DPYSL2: variants seen among roughly 807,000 people sequenced by gnomAD.
The protein encoded by DPYSL2 is dihydropyrimidinase-related protein 2.
A neutral mutation model predicts 69.9 loss-of-function variants in DPYSL2; 13 were observed. That is an observed-to-expected ratio of 0.19 (90% confidence interval 0.12 to 0.30). The LOEUF (loss-of-function observed/expected upper bound fraction) is 0.30, where lower values mean the gene tolerates loss of function less well. Among genes scored for constraint, DPYSL2 ranks in the 10% least tolerant of loss-of-function variants. The pLI, the probability that DPYSL2 is intolerant of heterozygous loss-of-function variation, is 1.00. For synonymous variants in DPYSL2, 326 were observed against 359.1 expected (o/e 0.91, Z 1.04); for missense variants, 587 against 918.9 (o/e 0.64, Z 4.67).
At chr8:26,622,141 CCTT>C (rs1200478502) in intron 3 of DPYSL2, among the ~76,000 whole-genome samples, 1,019 of 55,894 alleles carry the variant, frequency 0.018, 27 homozygotes, top group Non-Finnish European at 0.021. Context: ...TTCCTTCCTT[CCTT>C]CCTTCCTTCC....
At position 26,621,192 on chromosome 8, in the gene DPYSL2, A is replaced by T. The variant is rs1802474420; in HGVS notation, c.629-2951A>T. Among the ~76,000 whole-genome samples, 1 of 152,222 alleles carries T rather than the reference A, an allele frequency of 6.6e-6. No individual in the cohort carries two copies. Among genetic ancestry groups the T allele is most frequent in the South Asian group, 2.1e-4 (1 of 4,830 alleles). Reference sequence around the variant, plus strand: ...AATATATAGAAAAAAGGCAGTAAAAATACACCCAAATTTGAATAGGTTGAT... The same window carrying T: ...AATATATAGAAAAAAGGCAGTAAAATTACACCCAAATTTGAATAGGTTGAT... On this transcript the variant is annotated intron_variant, in intron 3 of 13. Transcript: ENST00000521913. The surrounding 1 kb of genome is among the most constrained non-coding windows in gnomAD (Gnocchi z 4.9).
chr8:26,523,127 A>G (rs1585487095), intron 1 of DPYSL2, among the ~76,000 whole-genome samples: 1 of 151,672 alleles, frequency 6.6e-6, no homozygotes, highest in East Asian at 1.9e-4. Context: ...GTGTGTGCAT[A>G]TATATGTATG....
rs55746168 is a variant in DPYSL2, at chr8:26,634,428, C to CTTTTTTTTTTTTTTTTTTTT, written c.1006-350_1006-331dup. Reference sequence around the variant, plus strand: ...TACAGTCACCTGCTGCCATGCCCAGCTTTTTTTTTTTTTTTTTTTTTAATT... The same window carrying CTTTTTTTTTTTTTTTTTTTT: ...TACAGTCACCTGCTGCCATGCCCAGCTTTTTTTTTTTTTTTTTTTTTTTTTTTTTTTTTTTTTTTTTAATT... On this transcript the variant is annotated intron_variant, in intron 7 of 13. Coordinates refer to ENST00000521913, the MANE Select transcript of DPYSL2 (RefSeq NM_001197293.3). 5.5e-5 allele frequency among the ~76,000 whole-genome samples: 5 copies of CTTTTTTTTTTTTTTTTTTTT among 91,166 alleles called. 1 individual carries two copies. Among genetic ancestry groups the CTTTTTTTTTTTTTTTTTTTT allele is most frequent in the Non-Finnish European group, 1.1e-4 (5 of 47,346 alleles). The allele number at this position is 91,166 out of a possible 152,430, so 59.8% of individuals were successfully genotyped here.
At chr8:26,630,455 C>T (rs187677518) in intron 7 of DPYSL2, among the ~76,000 whole-genome samples, 155 of 152,246 alleles carry the variant, frequency 1.0e-3, no homozygotes, top group African/African-American at 3.6e-3. Flanking sequence ...GCACAGAGTC[C>T]GGGAGAGGTG....
At position 26,652,595 on chromosome 8, in the gene DPYSL2, C is replaced by T. The variant is rs1803300501; in HGVS notation, c.1776+159C>T. Among the ~76,000 whole-genome samples the T allele has an allele frequency of 6.6e-6, 1 of 152,006 alleles. No individual in the cohort carries two copies. Among genetic ancestry groups the T allele is most frequent in the African/African-American group, 2.4e-5 (1 of 41,378 alleles). On this transcript the variant is annotated intron_variant, in intron 12 of 13. Transcript: ENST00000521913. This position sits in a 1 kb window ranked among gnomAD's most constrained non-coding sequence, Gnocchi z 6.3. ...TTTTTTATTCCTGGCATTTAAAATA[C>T]TGGAGAAGGAGTCAGTCGTGTCCAC...
chr8:26,612,334 C>T (rs779216884), intron 3 of DPYSL2, among the ~76,000 whole-genome samples: 16 of 152,174 alleles, frequency 1.1e-4, no homozygotes, highest in Non-Finnish European at 2.2e-4. Context: ...AACCCTAGGA[C>T]TCTCCAGAGA....
At chr8:26,595,663 G>A (rs2129792026) in intron 3 of DPYSL2, among the ~76,000 whole-genome samples, 1 of 152,292 alleles carries the variant, frequency 6.6e-6, no homozygotes, top group South Asian at 2.1e-4. Flanking sequence ...TGGAAGTATT[G>A]GTGACAAATT....
intron 1 of DPYSL2, among the ~76,000 whole-genome samples, chr8:26,569,374 A>AC (rs368735529): frequency 0.021 from 1,991 of 94,724 alleles, 64 homozygotes; most frequent in Middle Eastern, 0.094. Flanking sequence ...ACAAAAACAA[A>AC]AACAAAAAAA....
At chr8:26,572,358 C>T (rs968355759) in intron 1 of DPYSL2, among the ~76,000 whole-genome samples, 1 of 152,220 alleles carries the variant, frequency 6.6e-6, no homozygotes, top group South Asian at 2.1e-4. Flanking sequence ...ATCTCCCCAG[C>T]CCCACTTCCC....
At chr8:26,567,459 T>C (rs1801170840) in intron 1 of DPYSL2, among the ~76,000 whole-genome samples, 1 of 152,218 alleles carries the variant, frequency 6.6e-6, no homozygotes, top group African/African-American at 2.4e-5. Context: ...GTTTGCCTAT[T>C]ACAGGCAAGG....
Position 26,514,807 on chromosome 8 carries a change from C to T in DPYSL2, c.354+128C>T, listed in dbSNP as rs1333025233. 2 of 832,462 alleles carry T rather than the reference C, an allele frequency of 2.4e-6. No homozygotes were observed. Among genetic ancestry groups the T allele is most frequent in the Non-Finnish European group, 3.4e-6 (2 of 588,212 alleles). 51.6% of individuals were successfully genotyped at this position (832,462 alleles called of 1,614,324 possible). A position where few individuals can be genotyped will look rare whatever the true frequency, so the allele number is the denominator to read the frequency against. ...CTCGCCTCCCGCATCTGCACGCGCA[C>T]CCCGCCCTACCCGCCCCTTCTCCGC... On this transcript the variant is annotated intron_variant, in intron 1 of 13. Coordinates refer to ENST00000521913, the MANE Select transcript of DPYSL2 (RefSeq NM_001197293.3). This position sits in a 1 kb window ranked among gnomAD's most constrained non-coding sequence, Gnocchi z 8.4.
At chr8:26,531,096 G>A (rs927240650) in intron 1 of DPYSL2, among the ~76,000 whole-genome samples, 1 of 150,496 alleles carries the variant, frequency 6.6e-6, no homozygotes, top group African/African-American at 2.4e-5. Flanking sequence ...AGGGAGCTCA[G>A]CTGCTATGAC....
At chr8:26,628,549 C>T (rs1802670112) in intron 7 of DPYSL2, among the ~76,000 whole-genome samples, 1 of 152,162 alleles carries the variant, frequency 6.6e-6, no homozygotes, top group South Asian at 2.1e-4. Context: ...CTGTGTTCAT[C>T]AGTTAGAATT....
rs1446588593 is a variant in DPYSL2, at chr8:26,620,821, C to T, written c.629-3322C>T. On this transcript the variant is annotated intron_variant, in intron 3 of 13. Transcript: ENST00000521913. The surrounding 1 kb of genome is among the most constrained non-coding windows in gnomAD (Gnocchi z 4.5). ...AGATATGTTAAACCTATCAGGCTTC[C>T]TTATTTACATTGGCTAGAGAGCCTA... 6.6e-6 allele frequency among the ~76,000 whole-genome samples: 1 copy of T among 152,000 alleles called. No homozygotes were observed. The highest frequency in any genetic ancestry group is 2.4e-5 in the African/African-American group (1 of 41,386).
rs531028398 is a variant in DPYSL2 at position 26,630,486 on chromosome 8, C to T, written c.1005+2546C>T. On this transcript the variant is annotated intron_variant, in intron 7 of 13. Transcript: ENST00000521913. ...AGGTGGAGGGCTGACACAGTTCTCA[C>T]GTGAGCCCTGTTCAAAGCTGCCTTC... Among the ~76,000 whole-genome samples the T allele has an allele frequency of 3.1e-3, 476 of 152,298 alleles. 2 individuals are homozygous for T. Among genetic ancestry groups the T allele is most frequent in the African/African-American group, 0.011 (452 of 41,568 alleles).
chr8:26,643,864 C>A lies in DPYSL2; in HGVS notation c.1284-86C>A. The A allele has an allele frequency of 1.3e-6, 2 of 1,501,060 alleles. No individual in the cohort carries two copies. Among genetic ancestry groups the A allele is most frequent in the Non-Finnish European group, 1.8e-6 (2 of 1,113,366 alleles). The allele number at this position is 1,501,060 out of a possible 1,614,324, so 93.0% of individuals were successfully genotyped here. A position where few individuals can be genotyped will look rare whatever the true frequency, so the allele number is the denominator to read the frequency against. ...GGACTCCACTTGGGTTGGTGTGATG[C>A]CATTCATGAGACAGCCCACCAAATA... On this transcript the variant is annotated intron_variant, in intron 9 of 13. Transcript: ENST00000521913. This position sits in a 1 kb window ranked among gnomAD's most constrained non-coding sequence, Gnocchi z 6.5.
At chr8:26,534,443 G>A (rs138998203) in intron 1 of DPYSL2, among the ~76,000 whole-genome samples, 11 of 152,088 alleles carry the variant, frequency 7.2e-5, no homozygotes, top group Non-Finnish European at 1.5e-4. Flanking sequence ...GTAGGCATAA[G>A]CCACCATGCC....
At chr8:26,604,584 AC>A (rs1411288530) in intron 3 of DPYSL2, among the ~76,000 whole-genome samples, 1 of 151,800 alleles carries the variant, frequency 6.6e-6, no homozygotes, top group East Asian at 1.9e-4. Flanking sequence ...CTTTGAACAT[AC>A]CTTTGCTGCA....
chr8:26,627,165 C>T lies in DPYSL2; in HGVS notation c.856-50C>T. 2 of 1,546,176 alleles carry T rather than the reference C, an allele frequency of 1.3e-6. No homozygotes were observed. Among genetic ancestry groups the T allele is most frequent in the South Asian group, 1.1e-5 (1 of 89,218 alleles). On this transcript the variant is annotated intron_variant, in intron 5 of 13. Transcript: ENST00000521913. The surrounding 1 kb of genome is among the most constrained non-coding windows in gnomAD (Gnocchi z 6.9). ...GTGGGGAGATGATTGTCTTTGTGAA[C>T]AGGAAGATGGAAGTCCCTGTCTCTG...
Sources: gnomAD v4.1 joint callset for allele counts (sites outside exome capture counted in the v4.1 genomes callset) on GRCh38, gnomAD v4.1.1 for gene constraint, Gnocchi (gnomAD v3.1) non-coding constraint, MANE v1.5 for transcripts, NCBI Gene and HGNC (gene_info 2026-07-23, HGNC 2026-07-21) for gene names.